Variants in SLC14A2 observed in about 807,000 individuals in gnomAD.
The protein encoded by SLC14A2 is urea transporter 2.
SLC14A2 carries 91 observed loss-of-function variants against 104.6 expected under a neutral mutation model. The observed-to-expected ratio is 0.87, with a 90% CI of 0.73 to 1.04. The LOEUF (loss-of-function observed/expected upper bound fraction) is 1.04. Among genes scored for constraint, SLC14A2 ranks in the 50% least tolerant of loss-of-function variants. The probability of loss-of-function intolerance (pLI) is 0.00; values close to 1 mark genes in which losing one functional copy is unlikely to be tolerated. For synonymous variants in SLC14A2, 476 were observed against 466.4 expected, an observed-to-expected ratio of 1.02 and a Z score of -0.27; for missense variants, 1,189 against 1,156.0, an observed-to-expected ratio of 1.03 and a Z score of -0.41.
At chr18:45,325,046 C>A (rs1315601043) in intron 1 of SLC14A2, among the ~76,000 whole-genome samples, 1 of 152,176 alleles carries the variant, frequency 6.6e-6, no homozygotes. Context: ...GCAAGCCAGC[C>A]AGATGAGGCC....
At chr18:45,288,838 G>C (rs1477197658) in intron 1 of SLC14A2, among the ~76,000 whole-genome samples, 1 of 152,164 alleles carries the variant, frequency 6.6e-6, no homozygotes, top group African/African-American at 2.4e-5. Context: ...AAGGTATATG[G>C]AGACAGGGCT....
At chr18:45,560,637 A>G (rs371373703) in intron 2 of SLC14A2, among the ~76,000 whole-genome samples, 7 of 152,226 alleles carry the variant, frequency 4.6e-5, no homozygotes, top group African/African-American at 1.7e-4. Context: ...TGATAACAAA[A>G]ATAAGAAACA....
intron 1 of SLC14A2, among the ~76,000 whole-genome samples, chr18:45,243,302 A>T (rs11659892): frequency 6.6e-6 from 1 of 152,152 alleles, no homozygotes; most frequent in South Asian, 2.1e-4. Flanking sequence ...GCTTCACAAA[A>T]GTTACCATAA....
intron 1 of SLC14A2, among the ~76,000 whole-genome samples, chr18:45,310,261 A>G (rs887389906): frequency 7.2e-5 from 11 of 152,170 alleles, no homozygotes; most frequent in Non-Finnish European, 1.0e-4. Context: ...TAGCAATTTT[A>G]TCGGATATTA....
rs554125830 is a variant in SLC14A2 at position 45,363,078 on chromosome 18, G to C, written c.-124-120155G>C. Among the ~76,000 whole-genome samples, 6 of 152,050 alleles carry C rather than the reference G, an allele frequency of 3.9e-5. No individual in the cohort carries two copies. The East Asian group carries it at 9.7e-4, about 24-fold the overall frequency. On this transcript the variant is annotated intron_variant, in intron 1 of 20. Coordinates refer to the SLC14A2 transcript ENST00000586448. The stretch of plus-strand genomic sequence containing the variant: ...CTGTGCAACGACCCCCCCAACCCTC[G>C]GCCAAATCAAGAGCGTTGTATTTCC...
At chr18:45,414,757 A>AAAAAAAAAAAAATATAT (rs1360051908) in intron 1 of SLC14A2, among the ~76,000 whole-genome samples, 1 of 76,124 alleles carries the variant, frequency 1.3e-5, no homozygotes, top group African/African-American at 7.7e-5. Flanking sequence ...AAAAAAAAAA[A>AAAAAAAAAAAAATATAT]ATATATATAT....
chr18:45,315,934 C>A (rs930867924), intron 1 of SLC14A2, among the ~76,000 whole-genome samples: 5 of 152,212 alleles, frequency 3.3e-5, no homozygotes, highest in African/African-American at 4.8e-5. Flanking sequence ...AATATAAATA[C>A]CGCTGGGAGG....
chr18:45,373,528 C>A (rs910083652), intron 1 of SLC14A2, among the ~76,000 whole-genome samples: 1 of 152,178 alleles, frequency 6.6e-6, no homozygotes, highest in Admixed American at 6.5e-5. Flanking sequence ...CCCTCTGGAG[C>A]CAACTTCAGG....
At chr18:45,189,231 T>C in the SLC14A2 span, among the ~76,000 whole-genome samples, 3 of 152,316 alleles carry the variant, frequency 2.0e-5, no homozygotes, top group East Asian at 1.9e-4. Context: ...TCAGAAGACT[T>C]GAGTTCAAAT....
intron 1 of SLC14A2, among the ~76,000 whole-genome samples, chr18:45,432,813 C>A (rs2086538043): frequency 6.6e-6 from 1 of 152,142 alleles, no homozygotes; most frequent in African/African-American, 2.4e-5. Context: ...GCCTCAGTCA[C>A]CAAGGACTTA....
intron 1 of SLC14A2, among the ~76,000 whole-genome samples, chr18:45,295,254 G>A (rs565352096): frequency 8.5e-5 from 13 of 152,154 alleles, no homozygotes; most frequent in African/African-American, 2.6e-4. Flanking sequence ...CCCATTGTCC[G>A]TTCACACAGC....
chr18:45,527,564 A>T (rs2043612128), intron 2 of SLC14A2, among the ~76,000 whole-genome samples: 1 of 152,214 alleles, frequency 6.6e-6, no homozygotes, highest in African/African-American at 2.4e-5. Context: ...GAGAAAATAA[A>T]TACATTCAAG....
At chr18:45,446,359 T>C (rs1288353919) in intron 1 of SLC14A2, among the ~76,000 whole-genome samples, 1 of 152,130 alleles carries the variant, frequency 6.6e-6, no homozygotes, top group African/African-American at 2.4e-5. Context: ...ATGGGATTAG[T>C]GTCCTTATAA....
At position 45,274,523 on chromosome 18, in the gene SLC14A2, C is replaced by T. The variant is rs117007637; in HGVS notation, c.-125+61332C>T. ...CAGGTTTTCCAAATCTCTGATTACT[C>T]CACGGTTATGGATGCAACATCTTGT... On this transcript the variant is annotated intron_variant, in intron 1 of 20. Transcript: ENST00000586448. Among the ~76,000 whole-genome samples the T allele has an allele frequency of 3.4e-3, 524 of 152,280 alleles. 1 individual carries two copies. The Middle Eastern group carries it at 0.044, about 13-fold the overall frequency.
chr18:45,418,682 G>C (rs2086305182), intron 1 of SLC14A2, among the ~76,000 whole-genome samples: 1 of 152,184 alleles, frequency 6.6e-6, no homozygotes, highest in African/African-American at 2.4e-5. Flanking sequence ...GTCATTTCAG[G>C]TTCTTAAGCA....
chr18:45,263,989 T>A (rs896041548), intron 1 of SLC14A2, among the ~76,000 whole-genome samples: 2 of 152,168 alleles, frequency 1.3e-5, no homozygotes, highest in Admixed American at 1.3e-4. Flanking sequence ...CTAAGTCCCC[T>A]CAGCAGACAG....
At chr18:45,197,837 T>C in the SLC14A2 span, among the ~76,000 whole-genome samples, 1 of 152,178 alleles carries the variant, frequency 6.6e-6, no homozygotes, top group African/African-American at 2.4e-5. Context: ...TCTTGCTATC[T>C]TTTGTGGTTC....
At chr18:45,660,414 T>C (rs2045919322) in intron 10 of SLC14A2, among the ~76,000 whole-genome samples, 1 of 152,222 alleles carries the variant, frequency 6.6e-6, no homozygotes, top group Non-Finnish European at 1.5e-5. Flanking sequence ...ATCAGAGGAA[T>C]GTGTCCTCCC....
At chr18:45,383,042 A>T (rs1299198181) in intron 1 of SLC14A2, among the ~76,000 whole-genome samples, 1 of 152,178 alleles carries the variant, frequency 6.6e-6, no homozygotes, top group Non-Finnish European at 1.5e-5. Context: ...GTGCTATGGG[A>T]ACAGACTGCT....
Sources: allele counts gnomAD v4.1 joint callset (sites outside exome capture counted in the v4.1 genomes callset), GRCh38; gene constraint gnomAD v4.1.1; transcripts MANE v1.5; gene names NCBI Gene and HGNC (gene_info 2026-07-23, HGNC 2026-07-21).